CDH13: variants seen among roughly 807,000 people sequenced by gnomAD.
The protein encoded by CDH13 is cadherin 13, also known as cadherin-13.
CDH13 carries 24 observed loss-of-function variants against 63.8 expected under a neutral mutation model. The observed-to-expected ratio is 0.38, with a 90% CI of 0.27 to 0.53. The LOEUF (loss-of-function observed/expected upper bound fraction) is 0.53. Ranked by LOEUF, CDH13 falls within the 20% of genes least tolerant of loss-of-function variation. The pLI is 0.85. For synonymous variants in CDH13, 503 were observed against 355.3 expected (o/e 1.42, Z -4.67); for missense variants, 1,049 against 903.1 (o/e 1.16, Z -2.07).
At chr16:83,697,595 T>A (rs1405858951) in intron 10 of CDH13, among the ~76,000 whole-genome samples, 1 of 152,170 alleles carries the variant, frequency 6.6e-6, no homozygotes, top group South Asian at 2.1e-4. Flanking sequence ...TATTGATGAG[T>A]TGACAAAAAT....
At chr16:82,876,915 G>C (rs941203519) in intron 2 of CDH13, among the ~76,000 whole-genome samples, 5 of 152,132 alleles carry the variant, frequency 3.3e-5, no homozygotes, top group Non-Finnish European at 5.9e-5. Context: ...AAAGTATCTG[G>C]GAACTATCTC....
chr16:82,790,255 T>C (rs1404335785), intron 1 of CDH13, among the ~76,000 whole-genome samples: 2 of 152,018 alleles, frequency 1.3e-5, no homozygotes, highest in Non-Finnish European at 2.9e-5. Flanking sequence ...ATCAGCAGGG[T>C]GAAACCCCAT....
rs554387737 is a variant in CDH13, at chr16:83,203,861, A to G, written c.484-13484A>G. 2.0e-5 allele frequency among the ~76,000 whole-genome samples: 3 copies of G among 152,244 alleles called. No individual in the cohort carries two copies. In the East Asian group the frequency reaches 5.8e-4, roughly 29 times the overall value. ...GTATAGTTCAACAGCATCCGAGGGC[A>G]TGATTAATTTATTGTCCTTTTAGAT... On this transcript the variant is annotated intron_variant, in intron 4 of 13. Coordinates refer to ENST00000567109, the MANE Select transcript of CDH13 (RefSeq NM_001257.5).
At chr16:83,711,244 T>C (rs1354661495) in intron 10 of CDH13, among the ~76,000 whole-genome samples, 2 of 152,198 alleles carry the variant, frequency 1.3e-5, no homozygotes, top group African/African-American at 4.8e-5. Context: ...GGATGCCCCA[T>C]AATTAATCAA....
chr16:83,361,864 C>T (rs1309606776), intron 6 of CDH13, among the ~76,000 whole-genome samples: 5 of 152,104 alleles, frequency 3.3e-5, no homozygotes, highest in Non-Finnish European at 7.4e-5. Context: ...TAATGTGATG[C>T]CTCTGGCTTT....
chr16:82,824,880 C>G (rs1304476609), intron 1 of CDH13: 1 of 152,164 alleles, frequency 6.6e-6, no homozygotes, highest in Non-Finnish European at 1.5e-5. Flanking sequence ...TTTAGAAATT[C>G]TCATTAGTAT....
At chr16:82,888,202 C>T (rs1220797212) in intron 2 of CDH13, among the ~76,000 whole-genome samples, 2 of 152,140 alleles carry the variant, frequency 1.3e-5, no homozygotes, top group African/African-American at 2.4e-5. Flanking sequence ...CCTCTATGAC[C>T]TTGCCATAGA....
At chr16:83,387,130 C>T (rs1271997747) in intron 6 of CDH13, among the ~76,000 whole-genome samples, 1 of 152,090 alleles carries the variant, frequency 6.6e-6, no homozygotes, top group Non-Finnish European at 1.5e-5. Context: ...TTAGGTCAAC[C>T]AAGTTACAAT....
At chr16:83,064,842 C>G (rs953455520) in intron 3 of CDH13, among the ~76,000 whole-genome samples, 10 of 152,244 alleles carry the variant, frequency 6.6e-5, no homozygotes, top group African/African-American at 2.4e-4. Flanking sequence ...CCTCAGTTAC[C>G]TATCCTTTTT....
intron 1 of CDH13, among the ~76,000 whole-genome samples, chr16:82,631,933 T>C (rs878866907): frequency 6.6e-6 from 1 of 152,180 alleles, no homozygotes; most frequent in African/African-American, 2.4e-5. Context: ...CCTGCAACTC[T>C]GGCTTCTGGG....
At chr16:83,670,683 A>T in intron 8 of CDH13, 107 bp from the exon 9 acceptor site, 2 of 971,336 alleles carry the variant, frequency 2.1e-6, no homozygotes, top group East Asian at 2.6e-5. Flanking sequence ...TTATGTTATT[A>T]TTTATTTTTA....
At chr16:83,288,646 G>T (rs11639804) in intron 5 of CDH13, among the ~76,000 whole-genome samples, 1 of 152,042 alleles carries the variant, frequency 6.6e-6, no homozygotes, top group Admixed American at 6.5e-5. Flanking sequence ...GTGTCCCCAA[G>T]ACTTGTATTT....
chr16:82,970,037 G>C (rs1333695903), intron 2 of CDH13, among the ~76,000 whole-genome samples: 1 of 151,810 alleles, frequency 6.6e-6, no homozygotes, highest in Non-Finnish European at 1.5e-5. Context: ...TGCTGCATCT[G>C]TCAATCCGTC....
intron 5 of CDH13, among the ~76,000 whole-genome samples, chr16:83,224,470 G>A (rs923864988): frequency 3.3e-5 from 5 of 152,230 alleles, no homozygotes; most frequent in Non-Finnish European, 5.9e-5. Context: ...CTAGGAGACT[G>A]TGTTCTCAAA....
chr16:83,774,816 G>A (rs1914995990), intron 11 of CDH13, among the ~76,000 whole-genome samples: 1 of 152,244 alleles, frequency 6.6e-6, no homozygotes, highest in African/African-American at 2.4e-5. Context: ...TAATGGGTCA[G>A]AGTTTCAGTT....
intron 2 of CDH13, among the ~76,000 whole-genome samples, chr16:82,928,393 G>T (rs2042373118): frequency 6.6e-6 from 1 of 152,122 alleles, no homozygotes; most frequent in Non-Finnish European, 1.5e-5. Context: ...TGATACTGTT[G>T]AATTGAAGAT....
intron 6 of CDH13, among the ~76,000 whole-genome samples, chr16:83,440,476 G>T (rs1199225722): frequency 6.6e-6 from 1 of 152,086 alleles, no homozygotes. Flanking sequence ...AACGTGGCAG[G>T]TCACAGAAGA....
chr16:83,183,380 A>G (rs1200447787), intron 4 of CDH13, among the ~76,000 whole-genome samples: 2 of 152,222 alleles, frequency 1.3e-5, no homozygotes, highest in Non-Finnish European at 2.9e-5. Flanking sequence ...ATGACCTTCC[A>G]CGCACACGAC....
intron 6 of CDH13, among the ~76,000 whole-genome samples, chr16:83,346,353 G>A (rs368516857): frequency 3.3e-5 from 5 of 152,120 alleles, no homozygotes; most frequent in East Asian, 3.9e-4. Flanking sequence ...CTAGAATTTC[G>A]GTTTGATGTT....
Sources: gnomAD v4.1 joint callset for allele counts (sites outside exome capture counted in the v4.1 genomes callset) on GRCh38, gnomAD v4.1.1 for gene constraint, MANE v1.5 for transcripts, NCBI Gene and HGNC (gene_info 2026-07-23, HGNC 2026-07-21) for gene names.